Variants in DCC observed in about 807,000 individuals in gnomAD.
The protein encoded by DCC is DCC netrin 1 receptor, also known as netrin receptor DCC.
A neutral mutation model predicts 172.5 loss-of-function variants in DCC; 58 were observed. That is an observed-to-expected ratio of 0.34 (90% CI 0.27 to 0.42). The LOEUF (loss-of-function observed/expected upper bound fraction) is 0.42. Ranked by LOEUF, DCC falls within the 10% of genes least tolerant of loss-of-function variation. DCC has a pLI of 1.00. For missense variants in DCC, 1,740 were observed against 1,791.0 expected, an observed-to-expected ratio of 0.97 and a Z score of 0.51; for synonymous variants, 709 against 644.5, an observed-to-expected ratio of 1.10 and a Z score of -1.52.
chr18:52,863,839 C>A (rs1555674732), intron 2 of DCC, among the ~76,000 whole-genome samples: 6 of 151,822 alleles, frequency 4.0e-5, no homozygotes, highest in Non-Finnish European at 8.8e-5. Flanking sequence ...AGGCAAGTAT[C>A]ATAAAAGCAA....
At chr18:53,215,483 G>C in intron 11 of DCC, 65 bp from the exon 12 acceptor site, 2 of 1,234,698 alleles carry the variant, frequency 1.6e-6, no homozygotes, top group African/African-American at 1.5e-5. Context: ...CTTTTTACTA[G>C]ACAGGTGGTA....
At chr18:52,701,613 C>T (rs921906404) in intron 1 of DCC, among the ~76,000 whole-genome samples, 1 of 152,118 alleles carries the variant, frequency 6.6e-6, no homozygotes, top group Non-Finnish European at 1.5e-5. Context: ...TTAGACCTAT[C>T]GATTTGTATA....
intron 2 of DCC, among the ~76,000 whole-genome samples, chr18:52,819,216 A>G (rs114007220): frequency 2.2e-3 from 332 of 151,816 alleles, no homozygotes; most frequent in African/African-American, 7.5e-3. Flanking sequence ...CAAAGAGCTA[A>G]TCACCCTCCT....
chr18:53,495,389 CAAAAAAAA>C (rs71179511), intron 26 of DCC, among the ~76,000 whole-genome samples: 1 of 116,726 alleles, frequency 8.6e-6, no homozygotes, highest in Admixed American at 9.4e-5. Context: ...GACTCCATCT[CAAAAAAAA>C]AAAAAAAAAG....
At chr18:52,804,229 A>G (rs934343366) in intron 2 of DCC, among the ~76,000 whole-genome samples, 1 of 130,294 alleles carries the variant, frequency 7.7e-6, no homozygotes, top group Non-Finnish European at 1.7e-5. Context: ...TACATTCTTC[A>G]TCTTATTTAG....
intron 1 of DCC, among the ~76,000 whole-genome samples, chr18:52,700,409 G>A (rs551710315): frequency 4.0e-5 from 6 of 150,660 alleles, no homozygotes; most frequent in Admixed American, 1.3e-4. Flanking sequence ...ACACACACAC[G>A]CACATGCACA....
rs1406845162 is a variant in DCC at position 53,428,370 on chromosome 18, ATAT to A, written c.3164-6770_3164-6768del. On this transcript the variant is annotated intron_variant, in intron 21 of 28. Transcript: ENST00000442544. ...TATAATATATGTTGTATATAATATA[ATAT>A]TATAATATATTGTATATAATATAAT... Among the ~76,000 whole-genome samples, 43 of 91,330 alleles carry A rather than the reference ATAT, an allele frequency of 4.7e-4. 7 individuals carry two copies. Among genetic ancestry groups the A allele is most frequent in the South Asian group, 1.5e-3 (4 of 2,714 alleles). 59.9% of individuals were successfully genotyped at this position (91,330 alleles called of 152,430 possible). A position where few individuals can be genotyped will look rare whatever the true frequency, so the allele number is the denominator to read the frequency against.
At chr18:52,845,925 A>G (rs1173641092) in intron 2 of DCC, among the ~76,000 whole-genome samples, 1 of 151,776 alleles carries the variant, frequency 6.6e-6, no homozygotes, top group Non-Finnish European at 1.5e-5. Context: ...GTTGTTTCTG[A>G]TTGATTATAC....
intron 2 of DCC, among the ~76,000 whole-genome samples, chr18:52,853,501 A>AT (rs1390471699): frequency 6.6e-6 from 1 of 152,210 alleles, no homozygotes; most frequent in Non-Finnish European, 1.5e-5. Flanking sequence ...GAAAAACCAG[A>AT]TGTTCTGATT....
At chr18:53,192,419 T>G (rs980596864) in intron 9 of DCC, among the ~76,000 whole-genome samples, 2 of 152,090 alleles carry the variant, frequency 1.3e-5, no homozygotes, top group African/African-American at 4.8e-5. Flanking sequence ...AAAAAAGTAC[T>G]GTAGCACAGT....
chr18:53,178,111 A>G (rs1192758303), intron 8 of DCC, among the ~76,000 whole-genome samples: 3 of 152,188 alleles, frequency 2.0e-5, no homozygotes, highest in Non-Finnish European at 2.9e-5. Context: ...ACTCAGTTCA[A>G]TCAGCTATAT....
At chr18:53,298,490 T>C (rs1356261107) in intron 12 of DCC, among the ~76,000 whole-genome samples, 1 of 121,744 alleles carries the variant, frequency 8.2e-6, no homozygotes, top group African/African-American at 3.1e-5. Context: ...ATTGCACCAC[T>C]GCACTCCAGC....
intron 1 of DCC, among the ~76,000 whole-genome samples, chr18:52,603,274 T>A (rs542863073): frequency 3.9e-5 from 6 of 152,136 alleles, no homozygotes; most frequent in African/African-American, 1.4e-4. Flanking sequence ...GTGGTTCTAG[T>A]CCCAAATCTA....
intron 1 of DCC, among the ~76,000 whole-genome samples, chr18:52,635,376 G>A (rs1347909712): frequency 6.6e-6 from 1 of 152,022 alleles, no homozygotes; most frequent in Non-Finnish European, 1.5e-5. Flanking sequence ...TGAAATAAAT[G>A]CTCAATTTAC....
chr18:53,428,314 TATATA>T (rs1323036782), intron 21 of DCC, among the ~76,000 whole-genome samples: 1,037 of 29,708 alleles, frequency 0.035, 187 homozygotes, highest in Non-Finnish European at 0.065. Context: ...TAGAATATAA[TATATA>T]ATATAATATA....
At chr18:53,526,805 C>G in intron 28 of DCC, 46 bp downstream of exon 28, 3 of 1,608,358 alleles carry the variant, frequency 1.9e-6, no homozygotes, top group Non-Finnish European at 2.6e-6. Context: ...GACAGATTGA[C>G]TGGCGCTGTG....
At chr18:53,504,254 C>T (rs114234556) in intron 27 of DCC, among the ~76,000 whole-genome samples, 299 of 152,226 alleles carry the variant, frequency 2.0e-3, no homozygotes, top group African/African-American at 6.7e-3. Context: ...GCTGCCATTG[C>T]GGGTATTCAT....
intron 25 of DCC, among the ~76,000 whole-genome samples, chr18:53,474,749 T>C (rs540034859): frequency 1.3e-5 from 2 of 152,164 alleles, no homozygotes; most frequent in South Asian, 2.1e-4. Flanking sequence ...ACTAATATAG[T>C]AATTTGTTCT....
chr18:53,355,743 C>T (rs957044202), intron 15 of DCC, among the ~76,000 whole-genome samples: 2 of 152,056 alleles, frequency 1.3e-5, no homozygotes, highest in African/African-American at 4.8e-5. Flanking sequence ...TCCTCTTTTC[C>T]TAATTGAATA....
Sources: allele counts gnomAD v4.1 joint callset (sites outside exome capture counted in the v4.1 genomes callset), GRCh38; gene constraint gnomAD v4.1.1; transcripts MANE v1.5; gene names NCBI Gene and HGNC (gene_info 2026-07-23, HGNC 2026-07-21).